ACSL3: variants seen among roughly 807,000 people sequenced by gnomAD.
ACSL3 encodes acyl-CoA synthetase long chain family member 3, also known as fatty acid CoA ligase Acsl3.
ACSL3 carries 34 observed loss-of-function variants against 84.7 expected under a neutral mutation model. That is an observed-to-expected ratio of 0.40 (90% confidence interval 0.31 to 0.53). The LOEUF is 0.53. Among genes scored for constraint, ACSL3 ranks in the 20% least tolerant of loss-of-function variants. The pLI is 0.48. For missense variants in ACSL3, 680 were observed against 873.1 expected (o/e 0.78, Z 2.79); for synonymous variants, 315 against 299.4 (o/e 1.05, Z -0.54).
At chr2:222,866,744 GCCCCCCCCGCCCCCCCCCC>G (rs1695153869) in intron 1 of ACSL3, among the ~76,000 whole-genome samples, 1 of 22,730 alleles carries the variant, frequency 4.4e-5, no homozygotes, top group Non-Finnish European at 8.6e-5. Flanking sequence ...AAACTGCCCT[GCCCCCCCCGCCCCCCCCCC>G]CCCCCCCCCC....
At chr2:222,891,274 C>G (rs1007059365) in intron 2 of ACSL3, among the ~76,000 whole-genome samples, 1 of 152,038 alleles carries the variant, frequency 6.6e-6, no homozygotes, top group African/African-American at 2.4e-5. Flanking sequence ...TTTGGGAACC[C>G]TAGGCATCAG....
At chr2:222,901,292 A>G (rs535475995) in intron 3 of ACSL3, among the ~76,000 whole-genome samples, 76 of 152,302 alleles carry the variant, frequency 5.0e-4, no homozygotes, top group African/African-American at 1.7e-3. Context: ...TTATTTCAGT[A>G]CCATTTGTTG....
At chr2:222,889,907 A>C (rs941783203) in intron 2 of ACSL3, among the ~76,000 whole-genome samples, 2 of 152,204 alleles carry the variant, frequency 1.3e-5, no homozygotes, top group African/African-American at 4.8e-5. Context: ...TTGATTTTGA[A>C]ATATGTTGTT....
At chr2:222,914,186 A>G (rs1427602228) in intron 4 of ACSL3, among the ~76,000 whole-genome samples, 1 of 151,966 alleles carries the variant, frequency 6.6e-6, no homozygotes. Context: ...AGGAGACAAG[A>G]TTACCACCTG....
chr2:222,939,698 C>A (rs1354539113), intron 16 of ACSL3, among the ~76,000 whole-genome samples: 1 of 152,146 alleles, frequency 6.6e-6, no homozygotes, highest in Non-Finnish European at 1.5e-5. Flanking sequence ...TTTCTACCAG[C>A]CTTTGATGCG....
intron 13 of ACSL3, among the ~76,000 whole-genome samples, chr2:222,929,279 TTG>T (rs1250502203): frequency 7.6e-6 from 1 of 132,208 alleles, no homozygotes; most frequent in Non-Finnish European, 1.6e-5. Context: ...TTTTATGAAA[TTG>T]TGGATTTTTA....
At chr2:222,922,869 C>A in intron 9 of ACSL3, 38 bp downstream of exon 9, 1 of 1,611,408 alleles carries the variant, frequency 6.2e-7, no homozygotes, top group South Asian at 1.1e-5. Flanking sequence ...ACTAAAAAAT[C>A]ATAGTGAATT....
At chr2:222,879,418 T>C (rs1695535386) in intron 1 of ACSL3, among the ~76,000 whole-genome samples, 1 of 152,210 alleles carries the variant, frequency 6.6e-6, no homozygotes, top group South Asian at 2.1e-4. Flanking sequence ...CCCCCATATA[T>C]TTCCTGTGTT....
intron 1 of ACSL3, among the ~76,000 whole-genome samples, chr2:222,881,294 T>C (rs955881591): frequency 6.6e-6 from 1 of 152,246 alleles, no homozygotes; most frequent in Non-Finnish European, 1.5e-5. Context: ...ACGTTTCAGG[T>C]GTGCAGTGGC....
chr2:222,873,101 T>C (rs1293201349), intron 1 of ACSL3, among the ~76,000 whole-genome samples: 1 of 152,204 alleles, frequency 6.6e-6, no homozygotes, highest in Non-Finnish European at 1.5e-5. Flanking sequence ...GGTCCTCAGT[T>C]ACTACAAAAA....
At chr2:222,935,586 A>G (rs1261069917) in intron 16 of ACSL3, among the ~76,000 whole-genome samples, 2 of 152,266 alleles carry the variant, frequency 1.3e-5, no homozygotes, top group East Asian at 1.9e-4. Context: ...CCTGTGGTAC[A>G]TGCCTTATTG....
chr2:222,901,893 G>A (rs1039921761), intron 3 of ACSL3, among the ~76,000 whole-genome samples: 2 of 134,062 alleles, frequency 1.5e-5, no homozygotes, highest in African/African-American at 2.8e-5. Context: ...GTAGTGAGCC[G>A]AGATCGCGCC....
At chr2:222,864,641 G>A (rs1441112460) in intron 1 of ACSL3, among the ~76,000 whole-genome samples, 3 of 152,168 alleles carry the variant, frequency 2.0e-5, no homozygotes, top group Admixed American at 6.6e-5. Flanking sequence ...GGAGCAGTGG[G>A]AGGTGAGGAA....
At chr2:222,870,579 G>A (rs186554904) in intron 1 of ACSL3, among the ~76,000 whole-genome samples, 1 of 152,332 alleles carries the variant, frequency 6.6e-6, no homozygotes, top group East Asian at 1.9e-4. Flanking sequence ...TGGAGGTTTG[G>A]GTATCAGAGA....
At chr2:222,927,785 C>T (rs1363288895) in intron 12 of ACSL3, among the ~76,000 whole-genome samples, 1 of 152,180 alleles carries the variant, frequency 6.6e-6, no homozygotes, top group Non-Finnish European at 1.5e-5. Flanking sequence ...TACAGCTGTG[C>T]TTCTCCTACT....
chr2:222,876,291 A>G (rs1695446057), intron 1 of ACSL3, among the ~76,000 whole-genome samples: 1 of 151,810 alleles, frequency 6.6e-6, no homozygotes, highest in Admixed American at 6.6e-5. Context: ...AGAGCTAGTT[A>G]TTGCTTTATG....
intron 2 of ACSL3, among the ~76,000 whole-genome samples, chr2:222,898,316 C>T (rs1416256224): frequency 6.6e-6 from 1 of 152,116 alleles, no homozygotes; most frequent in Non-Finnish European, 1.5e-5. Flanking sequence ...AGGAAAATAA[C>T]TCTATAAGAA....
At position 222,933,148 on chromosome 2, in the gene ACSL3, C is replaced by A. The variant is rs770321275; in HGVS notation, c.1733-18C>A. On this transcript the variant is annotated intron_variant, in intron 14 of 16. Coordinates refer to ENST00000357430, the MANE Select transcript of ACSL3 (RefSeq NM_004457.5). ...ATTACTCATTGTTTTCCCCTCTCCA[C>A]CTTTCTTTGTTTTGCAGATCGTAAA... 3.3e-6 allele frequency: 5 copies of A among 1,517,116 alleles called. No homozygotes were observed. The East Asian group carries it at 1.1e-4, about 34-fold the overall frequency. 94.0% of individuals were successfully genotyped at this position (1,517,116 alleles called of 1,614,324 possible).
chr2:222,890,420 T>C (rs1695816325), intron 2 of ACSL3, among the ~76,000 whole-genome samples: 1 of 152,254 alleles, frequency 6.6e-6, no homozygotes, highest in Non-Finnish European at 1.5e-5. Context: ...AAAATCATCT[T>C]GAAAATCTTC....
Sources: allele counts gnomAD v4.1 joint callset (sites outside exome capture counted in the v4.1 genomes callset), GRCh38; gene constraint gnomAD v4.1.1; transcripts MANE v1.5; gene names NCBI Gene and HGNC (gene_info 2026-07-23, HGNC 2026-07-21).